ACTR6: variants seen among roughly 807,000 people sequenced by gnomAD.
ACTR6 encodes the protein actin-related protein 6.
In ACTR6, 50 loss-of-function variants were observed where a neutral mutation model predicts 52.5. The ratio of observed to expected loss-of-function variants is 0.95; its 90% CI spans 0.76 to 1.20. The LOEUF is 1.20. Among genes scored for constraint, ACTR6 ranks in the 50% most tolerant of loss-of-function variants. The pLI is 0.00. For missense variants in ACTR6, 344 were observed against 472.4 expected, an observed-to-expected ratio of 0.73 and a Z score of 2.52; for synonymous variants, 135 against 147.2, an observed-to-expected ratio of 0.92 and a Z score of 0.60.
intron 4 of ACTR6, among the ~76,000 whole-genome samples, chr12:100,209,257 G>A (rs1313523220): frequency 2.0e-5 from 3 of 147,416 alleles, no homozygotes; most frequent in African/African-American, 5.4e-5. Flanking sequence ...TCTCAACCAG[G>A]TGTAGTGGCT....
In ACTR6 at chr12:100,210,166, T is replaced by A; in HGVS notation, c.473T>A (p.Val158Asp). ...AGTGGATATTCCTTTACACATATAG[T>A]TCCTTATTGTAGAAGTAAAAAGAAA... Reference protein sequence around the residue: ...VDSGYSFTHIVPYCRSKKKKE... With the variant: ...VDSGYSFTHIDPYCRSKKKKE... Residue 158 changes from valine to aspartate, a missense_variant, in exon 5 of 11, where the codon GTT (valine) becomes GAT (aspartate). Physicochemically the swap from Val to Asp is radical, Grantham distance 152. Coordinates refer to ENST00000188312, the MANE Select transcript of ACTR6 (RefSeq NM_022496.5). 6.2e-7 allele frequency: 1 copy of A among 1,606,718 alleles called. No homozygotes were observed. The highest frequency in any genetic ancestry group is 8.5e-7 in the Non-Finnish European group (1 of 1,175,160).
At chr12:100,207,345 C>T (rs111764737) in intron 3 of ACTR6, among the ~76,000 whole-genome samples, 7,322 of 152,148 alleles carry the variant, frequency 0.048, 557 homozygotes, top group African/African-American at 0.16. Context: ...GCTGGGATTA[C>T]AGGTATGAGC....
intron 6 of ACTR6, among the ~76,000 whole-genome samples, chr12:100,211,196 A>G (rs2096119597): frequency 6.6e-6 from 1 of 152,108 alleles, no homozygotes; most frequent in African/African-American, 2.4e-5. Context: ...GAAGGAGGAT[A>G]TTGAGTGTTA....
At chr12:100,206,008 A>G (rs1157462932) in intron 3 of ACTR6, among the ~76,000 whole-genome samples, 1 of 152,204 alleles carries the variant, frequency 6.6e-6, no homozygotes, top group Non-Finnish European at 1.5e-5. Flanking sequence ...GTTTTTGCTT[A>G]CATATCTAAA....
chr12:100,203,755 A>C (rs2096111968), intron 1 of ACTR6: 2 of 142,876 alleles, frequency 1.4e-5, no homozygotes, highest in South Asian at 4.3e-4. Context: ...GGTTCACGCC[A>C]TTCTCCTGCC....
Position 100,223,971 on chromosome 12 carries a change from A to C in ACTR6, c.*56A>C. ...AAGGTTTAATTTCAAAGTTCCTTTTAAAAGAGGTTAAGGAACTGTGTTACC... is the reference window on the plus strand; with the variant it reads ...AAGGTTTAATTTCAAAGTTCCTTTTCAAAGAGGTTAAGGAACTGTGTTACC... On this transcript the variant is annotated 3_prime_UTR_variant, in exon 11 of 11. Coordinates refer to ENST00000188312, the MANE Select transcript of ACTR6 (RefSeq NM_022496.5). 1 of 1,556,042 alleles carries C rather than the reference A, an allele frequency of 6.4e-7. No individual in the cohort carries two copies. The highest frequency in any genetic ancestry group is 8.6e-7 in the Non-Finnish European group (1 of 1,156,324).
intron 4 of ACTR6, among the ~76,000 whole-genome samples, chr12:100,208,195 T>C (rs1237083817): frequency 6.6e-6 from 1 of 151,838 alleles, no homozygotes; most frequent in Non-Finnish European, 1.5e-5. Flanking sequence ...AATATGGATA[T>C]GAACCAAGTA....
At chr12:100,208,685 T>A in intron 4 of ACTR6, 1 of 455,684 alleles carries the variant, frequency 2.2e-6, no homozygotes, top group Non-Finnish European at 4.4e-6. Context: ...TATTTCTTAT[T>A]TCTGAAAGAT....
At chr12:100,216,213 C>T (rs61478210) in intron 8 of ACTR6, among the ~76,000 whole-genome samples, 36,780 of 152,218 alleles carry the variant, frequency 0.24, 7,500 homozygotes, top group African/African-American at 0.56. Context: ...TGGAGCACAG[C>T]GGTGTGATCA....
At chr12:100,209,546 C>T (rs2096118095) in intron 4 of ACTR6, among the ~76,000 whole-genome samples, 1 of 152,092 alleles carries the variant, frequency 6.6e-6, no homozygotes, top group African/African-American at 2.4e-5. Flanking sequence ...TCCTACAACG[C>T]ATAGGAAAGC....
intron 1 of ACTR6, among the ~76,000 whole-genome samples, chr12:100,204,500 A>T (rs755689833): frequency 3.9e-5 from 6 of 152,098 alleles, no homozygotes; most frequent in Non-Finnish European, 7.4e-5. Flanking sequence ...GGCTGGGACT[A>T]CAGGCATGTG....
chr12:100,212,622 C>T, intron 8 of ACTR6, 94 bp downstream of exon 8: 1 of 857,460 alleles, frequency 1.2e-6, no homozygotes, highest in East Asian at 2.5e-5. Context: ...AGAGACTGGC[C>T]TGGGCAACAA....
intron 10 of ACTR6, among the ~76,000 whole-genome samples, chr12:100,222,460 G>C (rs1319633692): frequency 3.3e-5 from 5 of 151,882 alleles, no homozygotes; most frequent in Admixed American, 2.6e-4. Flanking sequence ...ATCTTGCTAT[G>C]TTGCTCAGGC....
At chr12:100,204,151 G>A (rs554487051) in intron 1 of ACTR6, 2 of 152,216 alleles carry the variant, frequency 1.3e-5, no homozygotes, top group Admixed American at 1.3e-4. Context: ...AAAAATGGGG[G>A]AGGGGCATTT....
In ACTR6 at chr12:100,224,016, C is replaced by T; in HGVS notation, c.*101C>T. 1.5e-6 allele frequency: 2 copies of T among 1,319,502 alleles called. No homozygotes were observed. The highest frequency in any genetic ancestry group is 4.9e-5 in the East Asian group (2 of 40,484). 81.7% of individuals were successfully genotyped at this position (1,319,502 alleles called of 1,614,324 possible). Reference sequence around the variant, plus strand: ...GTTACCTTTTGTCCTAAGAAAAAGGCTTGAATTTATGTAAATACTTTGATC... The same window carrying T: ...GTTACCTTTTGTCCTAAGAAAAAGGTTTGAATTTATGTAAATACTTTGATC... On this transcript the variant is annotated 3_prime_UTR_variant, in exon 11 of 11. Coordinates refer to ENST00000188312, the MANE Select transcript of ACTR6 (RefSeq NM_022496.5).
At chr12:100,202,876 T>G (rs1178040246) in intron 1 of ACTR6, among the ~76,000 whole-genome samples, 35 of 147,664 alleles carry the variant, frequency 2.4e-4, no homozygotes, top group Admixed American at 2.0e-3. Context: ...AAAAAAAAAG[T>G]TGCTACTTCT....
At position 100,220,138 on chromosome 12, in the gene ACTR6, G is replaced by A. The variant is rs1206566874; in HGVS notation, c.1053G>A (p.Leu351=). ...TPTDYDVSVV[L]PENPITYAWE... is the part of the protein sequence containing the mutation. ...CAGATTATGATGTTTCTGTTGTGCT[G>A]CCTGAAAAGTAAGTGTTGTTTTATA... The change falls in exon 10 of 11, where the codon CTG becomes CTA. Residue 351 remains leucine (L), a synonymous_variant. Coordinates refer to ENST00000188312, the MANE Select transcript of ACTR6 (RefSeq NM_022496.5). The A allele has an allele frequency of 6.2e-6, 10 of 1,611,270 alleles. No individual in the cohort carries two copies. Among genetic ancestry groups the A allele is most frequent in the Non-Finnish European group, 8.5e-6 (10 of 1,178,474 alleles).
intron 9 of ACTR6, 58 bp from the exon 10 acceptor site, chr12:100,219,950 A>G (rs931324425): frequency 3.8e-6 from 6 of 1,579,794 alleles, no homozygotes; most frequent in Non-Finnish European, 5.2e-6. Context: ...CTTTCCAGAA[A>G]AGTAAACAGA....
At chr12:100,202,971 T>A (rs1268973067) in intron 1 of ACTR6, among the ~76,000 whole-genome samples, 1 of 151,700 alleles carries the variant, frequency 6.6e-6, no homozygotes, top group Non-Finnish European at 1.5e-5. Flanking sequence ...TGGTTGGGGG[T>A]ATGAGTGTGG....
Sources: allele counts gnomAD v4.1 joint callset (sites outside exome capture counted in the v4.1 genomes callset), GRCh38; gene constraint gnomAD v4.1.1; transcripts MANE v1.5; gene names NCBI Gene and HGNC (gene_info 2026-07-23, HGNC 2026-07-21).